The following RBFOX1 variants were observed in gnomAD, a reference collection of about 807,000 sequenced individuals.
RBFOX1 encodes RNA binding fox-1 homolog 1.
In RBFOX1, 8 loss-of-function variants were observed where a neutral mutation model predicts 57.7. That is an observed-to-expected ratio of 0.14 (90% CI 0.08 to 0.25). RBFOX1 has a LOEUF of 0.25. RBFOX1 is among the 10% of genes least tolerant of loss of function. The pLI is 1.00. For missense variants in RBFOX1, 611 were observed against 548.5 expected (o/e 1.11, Z -1.14); for synonymous variants, 326 against 222.4 (o/e 1.47, Z -4.15).
rs922943534 is a variant in RBFOX1 at position 6,998,124 on chromosome 16, T to A, written c.-15-53933T>A. The stretch of plus-strand genomic sequence containing the variant: ...TTAGTGTACAATAGCATATGTAGTA[T>A]ATAATTATCTATTTATTTATTTACT... On this transcript the variant is annotated intron_variant, in intron 3 of 15. Transcript: ENST00000550418. 4.6e-5 allele frequency among the ~76,000 whole-genome samples: 7 copies of A among 152,238 alleles called. No homozygotes were observed. In the South Asian group the frequency reaches 1.5e-3, roughly 32 times the overall value.
intron 3 of RBFOX1, among the ~76,000 whole-genome samples, chr16:6,864,306 T>A (rs535165197): frequency 1.3e-5 from 2 of 152,152 alleles, no homozygotes; most frequent in Non-Finnish European, 2.9e-5. Flanking sequence ...CTTCATTCTT[T>A]CCTTATCCTA....
chr16:7,413,525 A>G (rs1231934093), intron 4 of RBFOX1, among the ~76,000 whole-genome samples: 2 of 151,962 alleles, frequency 1.3e-5, no homozygotes, highest in South Asian at 2.1e-4. Flanking sequence ...AGCCACTGAG[A>G]TGCCCTCTGT....
intron 4 of RBFOX1, among the ~76,000 whole-genome samples, chr16:7,107,528 C>A (rs2063822935): frequency 6.6e-6 from 1 of 152,076 alleles, no homozygotes; most frequent in Non-Finnish European, 1.5e-5. Flanking sequence ...ATTTTGATAA[C>A]TTGACTTCTG....
chr16:5,959,980 C>T (rs1367869028), intron 4 of RBFOX1, among the ~76,000 whole-genome samples: 1 of 152,132 alleles, frequency 6.6e-6, no homozygotes, highest in African/African-American at 2.4e-5. Context: ...GCGGGGGGAT[C>T]ACCTGAGGTC....
intron 1 of RBFOX1, among the ~76,000 whole-genome samples, chr16:5,413,254 T>C (rs2151468568): frequency 6.6e-6 from 1 of 152,262 alleles, no homozygotes; most frequent in African/African-American, 2.4e-5. Context: ...TACAGCTTCT[T>C]CTAATATTAA....
chr16:6,838,814 A>G (rs1329222049), intron 3 of RBFOX1, among the ~76,000 whole-genome samples: 1 of 152,178 alleles, frequency 6.6e-6, no homozygotes, highest in Non-Finnish European at 1.5e-5. Context: ...AGAATACTCC[A>G]TTCTCAGCTT....
At chr16:5,245,588 A>T (rs9673644) in intron 1 of RBFOX1, among the ~76,000 whole-genome samples, 1 of 152,122 alleles carries the variant, frequency 6.6e-6, no homozygotes, top group Non-Finnish European at 1.5e-5. Context: ...GGAAATGCAG[A>T]TGCGCACCAC....
At chr16:7,015,420 T>A (rs1327677814) in intron 3 of RBFOX1, among the ~76,000 whole-genome samples, 1 of 152,180 alleles carries the variant, frequency 6.6e-6, no homozygotes. Flanking sequence ...TATAGACTTA[T>A]GGAATCTGAA....
chr16:6,685,196 A>G (rs2154126423), intron 3 of RBFOX1, among the ~76,000 whole-genome samples: 1 of 152,248 alleles, frequency 6.6e-6, no homozygotes, highest in East Asian at 1.9e-4. Context: ...ACCAAAAATA[A>G]AGACAGGAGG....
chr16:7,364,311 T>C (rs769558771), intron 4 of RBFOX1, among the ~76,000 whole-genome samples: 7 of 152,232 alleles, frequency 4.6e-5, no homozygotes, highest in South Asian at 2.1e-4. Flanking sequence ...GCAGTTACTA[T>C]GGAGAAAGGG....
chr16:6,685,044 G>A (rs546718434), intron 3 of RBFOX1, among the ~76,000 whole-genome samples: 2 of 152,226 alleles, frequency 1.3e-5, no homozygotes, highest in Admixed American at 6.5e-5. Context: ...AAGGCTGCAG[G>A]ATGACTGAAA....
intron 4 of RBFOX1, among the ~76,000 whole-genome samples, chr16:7,297,260 A>G (rs886292826): frequency 6.6e-6 from 1 of 152,194 alleles, no homozygotes; most frequent in Non-Finnish European, 1.5e-5. Context: ...GTAAAGACAA[A>G]CTACCCCACC....
downstream of RBFOX1, among the ~76,000 whole-genome samples, chr16:5,602,734 A>G (rs1226789712): frequency 6.6e-6 from 1 of 152,138 alleles, no homozygotes; most frequent in African/African-American, 2.4e-5. Flanking sequence ...TGGTAGTAAT[A>G]ATATAATATT....
intron 4 of RBFOX1, among the ~76,000 whole-genome samples, chr16:7,399,599 G>T (rs2098203930): frequency 6.6e-6 from 1 of 152,114 alleles, no homozygotes; most frequent in Non-Finnish European, 1.5e-5. Flanking sequence ...GACATTTCTG[G>T]GCTTGTAGAT....
intron 3 of RBFOX1, among the ~76,000 whole-genome samples, chr16:6,948,912 A>T (rs1239925933): frequency 6.6e-6 from 1 of 152,238 alleles, no homozygotes; most frequent in East Asian, 1.9e-4. Flanking sequence ...GTCAATGAGG[A>T]AGGGAGAGTG....
intron 1 of RBFOX1, among the ~76,000 whole-genome samples, chr16:6,166,618 G>C (rs1048381713): frequency 1.3e-5 from 2 of 152,126 alleles, no homozygotes; most frequent in Non-Finnish European, 2.9e-5. Context: ...TTCAGGAAAA[G>C]GAGAGACTCT....
chr16:5,439,693 C>A (rs1276025149), intron 1 of RBFOX1, among the ~76,000 whole-genome samples: 4 of 152,060 alleles, frequency 2.6e-5, no homozygotes, highest in Non-Finnish European at 5.9e-5. Context: ...GATTCACCCG[C>A]CTTGACCTCC....
At chr16:6,889,681 C>G (rs1270075410) in intron 3 of RBFOX1, among the ~76,000 whole-genome samples, 2 of 152,154 alleles carry the variant, frequency 1.3e-5, no homozygotes, top group African/African-American at 2.4e-5. Context: ...AGTCCAGCAC[C>G]TAATGGTTGT....
chr16:7,088,486 T>C (rs1212733888), intron 4 of RBFOX1, among the ~76,000 whole-genome samples: 1 of 152,192 alleles, frequency 6.6e-6, no homozygotes, highest in African/African-American at 2.4e-5. Context: ...TTGAAAAAGG[T>C]AGATTTACAT....
Sources: gnomAD v4.1 joint callset for allele counts (sites outside exome capture counted in the v4.1 genomes callset) on GRCh38, gnomAD v4.1.1 for gene constraint, MANE v1.5 for transcripts, NCBI Gene and HGNC (gene_info 2026-07-23, HGNC 2026-07-21) for gene names.